TMEM117: variants seen among roughly 807,000 people sequenced by gnomAD.
TMEM117 encodes transmembrane protein 117.
In TMEM117, 27 loss-of-function variants were observed where a neutral mutation model predicts 52.4. The observed-to-expected ratio is 0.51, with a 90% confidence interval of 0.38 to 0.71. The LOEUF is 0.71. Among genes scored for constraint, TMEM117 ranks in the 30% least tolerant of loss-of-function variants. TMEM117 has a pLI of 0.00. For missense variants in TMEM117, 556 were observed against 630.5 expected (o/e 0.88, Z 1.26); for synonymous variants, 215 against 206.3 (o/e 1.04, Z -0.36).
chr12:44,179,904 G>C (rs1434844062), intron 4 of TMEM117, among the ~76,000 whole-genome samples: 1 of 152,198 alleles, frequency 6.6e-6, no homozygotes, highest in African/African-American at 2.4e-5. Context: ...CTGGTTGGCA[G>C]ATGGCTTTCT....
chr12:44,243,257 T>G (rs559656851), intron 5 of TMEM117, among the ~76,000 whole-genome samples: 7 of 152,084 alleles, frequency 4.6e-5, no homozygotes, highest in Admixed American at 3.9e-4. Context: ...TATTTGTATG[T>G]TACCTTTTCA....
At chr12:44,094,041 T>G (rs1947716106) in intron 3 of TMEM117, among the ~76,000 whole-genome samples, 1 of 143,164 alleles carries the variant, frequency 7.0e-6, no homozygotes, top group South Asian at 2.3e-4. Context: ...TGGAAGAATC[T>G]ACTTTAGCTG....
intron 4 of TMEM117, among the ~76,000 whole-genome samples, chr12:44,151,911 AAT>A (rs1686721709): frequency 7.8e-6 from 1 of 127,462 alleles, no homozygotes. Flanking sequence ...TTTAATATAT[AAT>A]ATATATTATA....
At chr12:44,018,045 A>G (rs975310008) in intron 3 of TMEM117, among the ~76,000 whole-genome samples, 4 of 152,128 alleles carry the variant, frequency 2.6e-5, no homozygotes, top group African/African-American at 9.7e-5. Context: ...ATCACTCCCA[A>G]TTTGGTATGT....
chr12:44,117,240 T>G lies in TMEM117; in HGVS notation c.411-26285T>G, dbSNP rs190362810. Among the ~76,000 whole-genome samples, 27 of 152,350 alleles carry G rather than the reference T, an allele frequency of 1.8e-4. No homozygotes were observed. In the East Asian group the frequency reaches 5.2e-3, roughly 29 times the overall value. On this transcript the variant is annotated intron_variant, in intron 3 of 7. Transcript: ENST00000266534. ...TTTTGCATATATTGTTTCTTCTACCTGAAATGTTTCCACCTCTCTTTTCTT... is the reference window on the plus strand; with the variant it reads ...TTTTGCATATATTGTTTCTTCTACCGGAAATGTTTCCACCTCTCTTTTCTT...
the TMEM117 span, among the ~76,000 whole-genome samples, chr12:43,796,755 A>G: frequency 1.3e-5 from 2 of 152,108 alleles, no homozygotes; most frequent in Non-Finnish European, 2.9e-5. Flanking sequence ...AATCTTATTT[A>G]AAGTTAAATA....
intron 4 of TMEM117, among the ~76,000 whole-genome samples, chr12:44,207,502 T>G (rs932412918): frequency 6.6e-6 from 1 of 152,168 alleles, no homozygotes; most frequent in African/African-American, 2.4e-5. Flanking sequence ...CTTCCTCTGA[T>G]TTTTAATAGC....
chr12:44,286,563 C>G (rs1275224049), intron 5 of TMEM117, among the ~76,000 whole-genome samples: 1 of 152,032 alleles, frequency 6.6e-6, no homozygotes, highest in Non-Finnish European at 1.5e-5. Flanking sequence ...TGCTTTCAGG[C>G]TGACTACTCA....
intron 3 of TMEM117, among the ~76,000 whole-genome samples, chr12:43,954,146 GC>G (rs1418566589): frequency 6.6e-6 from 1 of 152,106 alleles, no homozygotes; most frequent in African/African-American, 2.4e-5. Flanking sequence ...CTGGGATGCA[GC>G]TAAAGCAGTA....
chr12:43,918,559 C>T (rs1944642536), intron 2 of TMEM117, among the ~76,000 whole-genome samples: 1 of 152,204 alleles, frequency 6.6e-6, no homozygotes, highest in South Asian at 2.1e-4. Flanking sequence ...GAAGCTACTT[C>T]TGATATTATT....
At chr12:43,972,473 A>G (rs1281704726) in intron 3 of TMEM117, among the ~76,000 whole-genome samples, 1 of 152,194 alleles carries the variant, frequency 6.6e-6, no homozygotes, top group Non-Finnish European at 1.5e-5. Flanking sequence ...TTTCCACAGC[A>G]TGGAAGGGGA....
chr12:43,980,010 T>A (rs1203473900), intron 3 of TMEM117, among the ~76,000 whole-genome samples: 1 of 152,188 alleles, frequency 6.6e-6, no homozygotes, highest in East Asian at 1.9e-4. Flanking sequence ...AATGGGTTCA[T>A]AGAACTGATT....
chr12:44,015,354 T>C (rs1286728441), intron 3 of TMEM117, among the ~76,000 whole-genome samples: 1 of 152,212 alleles, frequency 6.6e-6, no homozygotes, highest in African/African-American at 2.4e-5. Context: ...TGGTGATCAG[T>C]GATTTTTGAA....
intron 4 of TMEM117, among the ~76,000 whole-genome samples, chr12:44,157,557 AT>A (rs1444334468): frequency 2.6e-5 from 4 of 152,078 alleles, no homozygotes; most frequent in Non-Finnish European, 5.9e-5. Context: ...TATAATCACT[AT>A]TTTACATAGC....
the TMEM117 span, among the ~76,000 whole-genome samples, chr12:43,800,805 G>C: frequency 2.6e-5 from 4 of 152,040 alleles, no homozygotes; most frequent in Non-Finnish European, 5.9e-5. Context: ...GGCTGGAGTG[G>C]AATGGCATGA....
chr12:44,077,550 G>A (rs979825086), intron 3 of TMEM117, among the ~76,000 whole-genome samples: 4 of 152,098 alleles, frequency 2.6e-5, no homozygotes, highest in African/African-American at 9.7e-5. Flanking sequence ...TGTCAGCCCT[G>A]AGCTTGGTTA....
chr12:44,164,345 T>C (rs1010034970), intron 4 of TMEM117, among the ~76,000 whole-genome samples: 22 of 152,144 alleles, frequency 1.4e-4, no homozygotes, highest in Admixed American at 2.6e-4. Flanking sequence ...TGTAGTCTTT[T>C]ATCCATCACC....
At chr12:43,992,126 G>GCACTCCAGTA (rs1359207344) in intron 3 of TMEM117, among the ~76,000 whole-genome samples, 9 of 151,702 alleles carry the variant, frequency 5.9e-5, no homozygotes, top group Non-Finnish European at 1.2e-4. Context: ...TCGCACCACT[G>GCACTCCAGTA]CACTCCAGTA....
chr12:44,289,795 G>A (rs559806883), intron 5 of TMEM117, among the ~76,000 whole-genome samples: 6 of 151,848 alleles, frequency 4.0e-5, no homozygotes, highest in African/African-American at 9.7e-5. Flanking sequence ...TGATCCGCCC[G>A]CCTCAGCTTC....
Sources: allele counts gnomAD v4.1 joint callset (sites outside exome capture counted in the v4.1 genomes callset), GRCh38; gene constraint gnomAD v4.1.1; transcripts MANE v1.5; gene names NCBI Gene and HGNC (gene_info 2026-07-23, HGNC 2026-07-21).